Variants in MUCL3 observed in about 807,000 individuals in gnomAD.
MUCL3 encodes the protein mucin like 3.
In MUCL3, 42 loss-of-function variants were observed where a neutral mutation model predicts 70.2. That is an observed-to-expected ratio of 0.60 (90% CI 0.47 to 0.77). The LOEUF (loss-of-function observed/expected upper bound fraction) is 0.77. Among genes scored for constraint, MUCL3 ranks in the 30% least tolerant of loss-of-function variants. The pLI is 0.00. For synonymous variants in MUCL3, 522 were observed against 647.0 expected (o/e 0.81, Z 2.93); for missense variants, 1,429 against 1,670.0 (o/e 0.86, Z 2.52).
In MUCL3 at chr6:30,949,015, A is replaced by T; in HGVS notation, c.551A>T (p.Lys184Ile). 1 of 1,551,724 alleles carries T rather than the reference A, an allele frequency of 6.4e-7. No homozygotes were observed. The highest frequency in any genetic ancestry group is 8.7e-7 in the Non-Finnish European group (1 of 1,146,988). The change falls in exon 2 of 3, where the codon AAA (lysine) becomes ATA (isoleucine). Residue 184 changes from lysine to isoleucine, a missense_variant. Coordinates refer to ENST00000462446, the MANE Select transcript of MUCL3 (RefSeq NM_080870.4). ...TCAACGGTAACAAGAAAATCAGATA[A>T]AACTGGAAGACCTTTGGAAAAGTCC... ...GKSTVTRKSD[K>I]TGRPLEKSMS...
chr6:30,951,263 G>C lies in MUCL3; in HGVS notation c.2799G>C (p.Glu933Asp). The change falls in exon 2 of 3, where the codon GAG becomes GAC. Residue 933 changes from glutamate (E) to aspartate (D), a missense_variant. Glu to Asp is a conservative substitution (Grantham distance 45). Coordinates refer to ENST00000462446, the MANE Select transcript of MUCL3 (RefSeq NM_080870.4). ...GAGAAAGGACCCCACTGGCCAATGA[G>C]ATCACCACACCATCCCGAGCAGAGC... ...EHGERTPLAN[E>D]ITTPSRAEPT... 2 of 1,550,918 alleles carry C rather than the reference G, an allele frequency of 1.3e-6. No homozygotes were observed. Among genetic ancestry groups the C allele is most frequent in the Non-Finnish European group, 1.7e-6 (2 of 1,146,862 alleles).
chr6:30,945,709 C>T (rs1299409895), intron 1 of MUCL3, among the ~76,000 whole-genome samples: 1 of 151,992 alleles, frequency 6.6e-6, no homozygotes, highest in Non-Finnish European at 1.5e-5. Context: ...AATCCCAGCA[C>T]TTTGGGAGGC....
At chr6:30,952,621 A>G in intron 2 of MUCL3, 122 bp downstream of exon 2, 2 of 1,120,764 alleles carry the variant, frequency 1.8e-6, no homozygotes, top group South Asian at 3.4e-5. Context: ...AGTGGGAGGA[A>G]CAGTAATAGA....
intron 2 of MUCL3, 79 bp from the exon 3 acceptor site, chr6:30,952,892 A>G: frequency 1.3e-6 from 2 of 1,536,616 alleles, no homozygotes; most frequent in Non-Finnish European, 1.8e-6. Flanking sequence ...TCTTGAGAAT[A>G]GAATCAAGAC....
chr6:30,949,180 C>T lies in MUCL3; in HGVS notation c.716C>T (p.Thr239Ile). The T allele has an allele frequency of 6.4e-7, 1 of 1,551,528 alleles. No individual in the cohort carries two copies. The highest frequency in any genetic ancestry group is 8.7e-7 in the Non-Finnish European group (1 of 1,146,974). Residue 239 changes from threonine (T) to isoleucine (I), a missense_variant, in exon 2 of 3, where the codon ACC becomes ATC. Thr to Ile is a moderately conservative substitution (Grantham distance 89). Transcript: ENST00000462446. Reference protein sequence around the residue: ...ITAASKTTYKTTGTPEESEKT... With the variant: ...ITAASKTTYKITGTPEESEKT... The stretch of plus-strand genomic sequence containing the variant: ...GCAGCCTCAAAAACAACATACAAGA[C>T]CACAGGAACCCCAGAAGAGTCAGAA...
At position 30,941,006 on chromosome 6, in the gene MUCL3, C is replaced by A. The variant is rs1795547923; in HGVS notation, c.7C>A (p.Gln3Lys). Reference sequence around the variant, plus strand: ...GCAGCCACCCAGCTCCGACATGGCCCAGCCGGTCCACAGCCTCTGCTCCGC... The same window carrying A: ...GCAGCCACCCAGCTCCGACATGGCCAAGCCGGTCCACAGCCTCTGCTCCGC... MA[Q>K]PVHSLCSAFG... Residue 3 changes from glutamine to lysine, a missense_variant, in exon 1 of 3, where the codon CAG becomes AAG. By Grantham distance (53) the Gln-to-Lys change is moderately conservative. Coordinates refer to ENST00000462446, the MANE Select transcript of MUCL3 (RefSeq NM_080870.4). 2 of 1,549,704 alleles carry A rather than the reference C, an allele frequency of 1.3e-6. No homozygotes were observed. Among genetic ancestry groups the A allele is most frequent in the Non-Finnish European group, 1.7e-6 (2 of 1,146,992 alleles).
rs1760842781 is a variant in MUCL3, at chr6:30,954,073, G to C, written c.*956G>C. 1 of 152,218 alleles carries C rather than the reference G, an allele frequency of 6.6e-6. No homozygotes were observed. The highest frequency in any genetic ancestry group is 1.5e-5 in the Non-Finnish European group (1 of 68,066). 9.4% of individuals were successfully genotyped at this position (152,218 alleles called of 1,614,324 possible). On this transcript the variant is annotated 3_prime_UTR_variant, in exon 3 of 3. Coordinates refer to ENST00000462446, the MANE Select transcript of MUCL3 (RefSeq NM_080870.4). This position sits in a 1 kb window ranked among gnomAD's most constrained non-coding sequence, Gnocchi z 4.4. ...TTTCCTCCTTGTAGGCATTTCATCTGTGTGTGTTTTCTGGATTTTCTCTCT... is the reference window on the plus strand; with the variant it reads ...TTTCCTCCTTGTAGGCATTTCATCTCTGTGTGTTTTCTGGATTTTCTCTCT...
rs1760740111 is a variant in MUCL3, at chr6:30,952,129, T to C, written c.3665T>C (p.Ile1222Thr). The stretch of plus-strand genomic sequence containing the variant: ...AACACCACACTGACCACTGAGACCA[T>C]AAAAGCCCCAGTAAAGTCCACAGAA... ...LGNTTLTTET[I>T]KAPVKSTENP... is the part of the protein sequence containing the mutation. The change falls in exon 2 of 3, where the codon ATA becomes ACA. Residue 1222 changes from isoleucine to threonine, a missense_variant. Coordinates refer to ENST00000462446, the MANE Select transcript of MUCL3 (RefSeq NM_080870.4). 4 of 1,611,698 alleles carry C rather than the reference T, an allele frequency of 2.5e-6. No homozygotes were observed. The African/African-American group carries it at 5.4e-5, about 22-fold the overall frequency.
rs1760419192 is a variant in MUCL3, at chr6:30,948,529, G to A, written c.83-18G>A. On this transcript the variant is annotated intron_variant, in intron 1 of 2. Coordinates refer to ENST00000462446, the MANE Select transcript of MUCL3 (RefSeq NM_080870.4). ...AGAACATGGGGGAAGTTTCTTATTT[G>A]CCTCTCTCCCTCCACAGGTGCTACT... 6.7e-7 allele frequency: 1 copy of A among 1,487,660 alleles called. No homozygotes were observed. The highest frequency in any genetic ancestry group is 8.9e-7 in the Non-Finnish European group (1 of 1,117,422). 92.2% of individuals were successfully genotyped at this position (1,487,660 alleles called of 1,614,324 possible).
At chr6:30,943,557 T>G (rs925082683) in intron 1 of MUCL3, among the ~76,000 whole-genome samples, 1 of 151,422 alleles carries the variant, frequency 6.6e-6, no homozygotes, top group African/African-American at 2.4e-5. Context: ...GATGAAATCA[T>G]CTGAGGGAGC....
At chr6:30,947,155 T>A (rs1795812771) in intron 1 of MUCL3, among the ~76,000 whole-genome samples, 1 of 152,126 alleles carries the variant, frequency 6.6e-6, no homozygotes, top group South Asian at 2.1e-4. Context: ...ACCAGCCACA[T>A]CCTGGGGCCG....
chr6:30,942,036 GC>G (rs1044902148), intron 1 of MUCL3, among the ~76,000 whole-genome samples: 1 of 152,132 alleles, frequency 6.6e-6, no homozygotes, highest in African/African-American at 2.4e-5. Context: ...GGATGCTGCT[GC>G]CCAGCCGTAC....
rs1760577529 is a variant in MUCL3 at position 30,950,257 on chromosome 6, C to T, written c.1793C>T (p.Ser598Leu). Residue 598 changes from serine to leucine, a missense_variant, in exon 2 of 3, where the codon TCA becomes TTA. By Grantham distance (145) the Ser-to-Leu change is moderately radical (BLOSUM62 -2). Coordinates refer to ENST00000462446, the MANE Select transcript of MUCL3 (RefSeq NM_080870.4). ...PFANEKTTSS[S>L]AEPTEHEERT... is the part of the protein sequence containing the mutation. The stretch of plus-strand genomic sequence containing the variant: ...GCCAATGAGAAGACCACATCATCCT[C>T]AGCAGAGCCTACAGAACACGAAGAA... The T allele has an allele frequency of 3.2e-6, 5 of 1,550,636 alleles. No individual in the cohort carries two copies. Among genetic ancestry groups the T allele is most frequent in the Non-Finnish European group, 4.4e-6 (5 of 1,146,858 alleles).
rs1027116199 is a variant in MUCL3 at position 30,953,395 on chromosome 6, ATGT to A, written c.*282_*284del. ...GAGAATGAAAAGGTGTTTGATGGAC[ATGT>A]TGTGGGGGCACCAATGCAGAACACT... is the stretch of plus-strand genomic sequence containing the variant. On this transcript the variant is annotated 3_prime_UTR_variant, in exon 3 of 3. Transcript: ENST00000462446. 90 of 529,758 alleles carry A rather than the reference ATGT, an allele frequency of 1.7e-4. 2 individuals carry two copies. The Admixed American group carries it at 2.3e-3, about 14-fold the overall frequency. 32.8% of individuals were successfully genotyped at this position (529,758 alleles called of 1,614,324 possible).
chr6:30,950,892 C>G lies in MUCL3; in HGVS notation c.2428C>G (p.Leu810Val). The change falls in exon 2 of 3, where the codon CTG (leucine) becomes GTG (valine). Residue 810 changes from leucine to valine, a missense_variant. Leu to Val is a conservative substitution (Grantham distance 32, BLOSUM62 1). Coordinates refer to ENST00000462446, the MANE Select transcript of MUCL3 (RefSeq NM_080870.4). ...TACAGAACACGCAGAAAGGACTCCA[C>G]TGGCCAATGAGAACACCACATCATC... ...EPTEHAERTPLANENTTSSPA... is the reference protein window; with the variant it reads ...EPTEHAERTPVANENTTSSPA... 6.5e-7 allele frequency: 1 copy of G among 1,545,108 alleles called. No homozygotes were observed. The highest frequency in any genetic ancestry group is 1.2e-5 in the South Asian group (1 of 83,778).
chr6:30,948,660 C>T lies in MUCL3; in HGVS notation c.196C>T (p.His66Tyr). The change falls in exon 2 of 3, where the codon CAT (histidine) becomes TAT (tyrosine). Residue 66 changes from histidine (H) to tyrosine (Y), a missense_variant. Coordinates refer to ENST00000462446, the MANE Select transcript of MUCL3 (RefSeq NM_080870.4). ...YSIPFDHIVL[H>Y]SGQRPPELPK... Reference sequence around the variant, plus strand: ...TATCCCTTTTGATCACATTGTTCTGCATTCAGGACAAAGACCTCCAGAGCT... The same window carrying T: ...TATCCCTTTTGATCACATTGTTCTGTATTCAGGACAAAGACCTCCAGAGCT... 1 of 1,551,568 alleles carries T rather than the reference C, an allele frequency of 6.4e-7. No individual in the cohort carries two copies. The highest frequency in any genetic ancestry group is 8.7e-7 in the Non-Finnish European group (1 of 1,146,922).
rs939346286 is a variant in MUCL3 at position 30,954,128 on chromosome 6, T to C, written c.*1011T>C. Reference sequence around the variant, plus strand: ...TCTTATGGCCATTTCACCTTATTACTGATTGGGTAGAGGGGGAAAAGGAGA... The same window carrying C: ...TCTTATGGCCATTTCACCTTATTACCGATTGGGTAGAGGGGGAAAAGGAGA... On this transcript the variant is annotated 3_prime_UTR_variant, in exon 3 of 3. Transcript: ENST00000462446. The surrounding 1 kb of genome is among the most constrained non-coding windows in gnomAD (Gnocchi z 4.4). The C allele has an allele frequency of 3.1e-4, 48 of 152,398 alleles. No individual in the cohort carries two copies. The highest frequency in any genetic ancestry group is 1.1e-3 in the African/African-American group (47 of 41,570). 9.4% of individuals were successfully genotyped at this position (152,398 alleles called of 1,614,324 possible). A position where few individuals can be genotyped will look rare whatever the true frequency, so the allele number is the denominator to read the frequency against.
Position 30,950,124 on chromosome 6 carries a change from C to A in MUCL3, c.1660C>A (p.Pro554Thr), listed in dbSNP as rs1355971128. The A allele has an allele frequency of 1.9e-6, 3 of 1,549,812 alleles. No individual in the cohort carries two copies. Among genetic ancestry groups the A allele is most frequent in the Non-Finnish European group, 2.6e-6 (3 of 1,146,686 alleles). Residue 554 changes from proline (P) to threonine (T), a missense_variant, in exon 2 of 3, where the codon CCA (proline) becomes ACA (threonine). Transcript: ENST00000462446. ...RERTANEKTT[P>T]SPAEPTENGD... Reference sequence around the variant, plus strand: ...AAGGACAGCCAATGAGAAGACCACACCATCCCCAGCAGAGCCTACAGAAAA... The same window carrying A: ...AAGGACAGCCAATGAGAAGACCACAACATCCCCAGCAGAGCCTACAGAAAA...
In MUCL3 at chr6:30,941,073, G is replaced by T; in HGVS notation, c.74G>T (p.Trp25Leu). 6.5e-7 allele frequency: 1 copy of T among 1,550,190 alleles called. No homozygotes were observed. The highest frequency in any genetic ancestry group is 8.7e-7 in the Non-Finnish European group (1 of 1,146,968). The part of the protein sequence containing the change: ...QCCLLFLLAS[W>L]GAGATTFQEY... ...TGCCTCCTCTTCCTTCTAGCTTCTTGGGGGGCAGGTAAGATGCCCACAGGG... is the reference window on the plus strand; with the variant it reads ...TGCCTCCTCTTCCTTCTAGCTTCTTTGGGGGCAGGTAAGATGCCCACAGGG... Residue 25 changes from tryptophan (W) to leucine (L), a missense_variant, in exon 1 of 3, where the codon TGG (tryptophan) becomes TTG (leucine). Physicochemically the swap from Trp to Leu is moderately conservative, Grantham distance 61. Coordinates refer to ENST00000462446, the MANE Select transcript of MUCL3 (RefSeq NM_080870.4).
Sources: gnomAD v4.1 joint callset for allele counts (sites outside exome capture counted in the v4.1 genomes callset) on GRCh38, gnomAD v4.1.1 for gene constraint, Gnocchi (gnomAD v3.1) non-coding constraint, MANE v1.5 for transcripts, NCBI Gene and HGNC (gene_info 2026-07-23, HGNC 2026-07-21) for gene names.